The following CARMIL1 variants were observed in gnomAD, a reference collection of about 807,000 sequenced individuals.
The protein encoded by CARMIL1 is F-actin-uncapping protein LRRC16A.
CARMIL1 carries 90 observed loss-of-function variants against 177.1 expected under a neutral mutation model. The observed-to-expected ratio is 0.51, with a 90% confidence interval of 0.43 to 0.61. The LOEUF is 0.61. Ranked by LOEUF, CARMIL1 falls within the 20% of genes least tolerant of loss-of-function variation. The pLI is 0.00. For missense variants in CARMIL1, 1,380 were observed against 1,667.0 expected (o/e 0.83, Z 3.00); for synonymous variants, 577 against 606.2 (o/e 0.95, Z 0.71).
chr6:25,419,085 C>T (rs914430239), intron 2 of CARMIL1, among the ~76,000 whole-genome samples: 6 of 152,286 alleles, frequency 3.9e-5, no homozygotes, highest in East Asian at 1.9e-4. Context: ...TCAGCTTAGC[C>T]GTTCAAGCCC....
chr6:25,482,059 C>A (rs1802167827), intron 11 of CARMIL1, among the ~76,000 whole-genome samples, 198 bp from the exon 12 acceptor site: 1 of 152,202 alleles, frequency 6.6e-6, no homozygotes, highest in Non-Finnish European at 1.5e-5. Context: ...ATAAGACAAT[C>A]TTCCCCTTCT....
intron 11 of CARMIL1, among the ~76,000 whole-genome samples, chr6:25,474,363 C>T (rs1801344213): frequency 6.6e-6 from 1 of 152,242 alleles, no homozygotes; most frequent in East Asian, 1.9e-4. Flanking sequence ...GATCCACCCA[C>T]CTCGGCCTCC....
At chr6:25,406,630 A>G (rs140234789) in intron 2 of CARMIL1, among the ~76,000 whole-genome samples, 88 of 152,192 alleles carry the variant, frequency 5.8e-4, no homozygotes, top group African/African-American at 2.1e-3. Context: ...AGGGAGGTAG[A>G]CTGCATTGAA....
intron 31 of CARMIL1, among the ~76,000 whole-genome samples, chr6:25,591,690 G>T (rs535834163): frequency 6.8e-4 from 104 of 152,262 alleles, no homozygotes; most frequent in Non-Finnish European, 1.1e-3. Flanking sequence ...TGCTCTTCAC[G>T]TAGGCTGATG....
At chr6:25,545,540 A>G (rs986934549) in intron 26 of CARMIL1, among the ~76,000 whole-genome samples, 6 of 152,200 alleles carry the variant, frequency 3.9e-5, no homozygotes, top group African/African-American at 7.2e-5. Flanking sequence ...CAAGTAAAAC[A>G]ATGATGAAGA....
intron 16 of CARMIL1, among the ~76,000 whole-genome samples, chr6:25,498,754 G>A (rs1341352675): frequency 1.3e-5 from 2 of 152,178 alleles, no homozygotes; most frequent in African/African-American, 4.8e-5. Flanking sequence ...TCGCTGGGCT[G>A]GGATGTGAGA....
intron 32 of CARMIL1, among the ~76,000 whole-genome samples, chr6:25,599,275 C>T (rs779568227): frequency 9.2e-5 from 14 of 152,202 alleles, no homozygotes; most frequent in Non-Finnish European, 1.9e-4. Flanking sequence ...TGGGTCTCCC[C>T]GACTGTTGGC....
chr6:25,392,839 A>G (rs763051854), intron 2 of CARMIL1, among the ~76,000 whole-genome samples: 5 of 152,192 alleles, frequency 3.3e-5, no homozygotes, highest in African/African-American at 7.2e-5. Context: ...ATTAAAAGCA[A>G]TACCCCTCTT....
At chr6:25,479,680 TTTCC>T (rs1473263928) in intron 11 of CARMIL1, among the ~76,000 whole-genome samples, 1 of 152,156 alleles carries the variant, frequency 6.6e-6, no homozygotes, top group African/African-American at 2.4e-5. Flanking sequence ...TCTTATTTTT[TTTCC>T]TTCCTTCTGT....
chr6:25,574,487 A>T (rs191322463), intron 29 of CARMIL1, among the ~76,000 whole-genome samples: 2 of 152,338 alleles, frequency 1.3e-5, no homozygotes, highest in African/African-American at 4.8e-5. Flanking sequence ...GCATTTGTTG[A>T]ATCTTAATAC....
chr6:25,505,191 A>T (rs919380108), intron 17 of CARMIL1, among the ~76,000 whole-genome samples: 2 of 152,170 alleles, frequency 1.3e-5, no homozygotes, highest in Non-Finnish European at 2.9e-5. Flanking sequence ...TTCTTCTTGA[A>T]ACCTGATTTT....
intron 2 of CARMIL1, among the ~76,000 whole-genome samples, chr6:25,415,697 G>T (rs1026323006): frequency 6.6e-6 from 1 of 152,062 alleles, no homozygotes; most frequent in Non-Finnish European, 1.5e-5. Flanking sequence ...ATGTCAAAAG[G>T]TGTCTAATTA....
At chr6:25,429,214 C>T (rs904932560) in intron 4 of CARMIL1, among the ~76,000 whole-genome samples, 2 of 152,122 alleles carry the variant, frequency 1.3e-5, no homozygotes, top group Non-Finnish European at 2.9e-5. Context: ...TACTTCTTAC[C>T]ATGAAAACAG....
At chr6:25,508,732 T>G (rs1805168021) in intron 17 of CARMIL1, among the ~76,000 whole-genome samples, 1 of 152,050 alleles carries the variant, frequency 6.6e-6, no homozygotes, top group African/African-American at 2.4e-5. Flanking sequence ...CCATGTTCCT[T>G]GGTTTATAGT....
chr6:25,483,553 T>G (rs1235198071), intron 12 of CARMIL1, among the ~76,000 whole-genome samples: 1 of 151,972 alleles, frequency 6.6e-6, no homozygotes, highest in Non-Finnish European at 1.5e-5. Context: ...ATCATAATTA[T>G]CATCATCCTG....
chr6:25,601,273 A>G (rs1378147018), intron 33 of CARMIL1, among the ~76,000 whole-genome samples: 1 of 152,232 alleles, frequency 6.6e-6, no homozygotes, highest in East Asian at 1.9e-4. Flanking sequence ...TGAGGGTCAC[A>G]GTCTTGTGGA....
intron 9 of CARMIL1, among the ~76,000 whole-genome samples, chr6:25,466,509 G>A (rs1007600978): frequency 2.6e-5 from 4 of 152,230 alleles, no homozygotes; most frequent in Non-Finnish European, 4.4e-5. Flanking sequence ...AAGATGCTGT[G>A]TTGGGGTTGC....
chr6:25,413,023 A>G (rs966825073), intron 2 of CARMIL1, among the ~76,000 whole-genome samples: 3 of 152,206 alleles, frequency 2.0e-5, no homozygotes, highest in African/African-American at 4.8e-5. Flanking sequence ...TAGGAGGCTC[A>G]GAGCCAGGAG....
intron 29 of CARMIL1, among the ~76,000 whole-genome samples, chr6:25,580,676 A>G (rs1210865319): frequency 6.6e-6 from 1 of 152,192 alleles, no homozygotes; most frequent in Non-Finnish European, 1.5e-5. Flanking sequence ...AAATTCATTC[A>G]TTGCTCTTTT....
Sources: gnomAD v4.1 joint callset for allele counts (sites outside exome capture counted in the v4.1 genomes callset) on GRCh38, gnomAD v4.1.1 for gene constraint, MANE v1.5 for transcripts, NCBI Gene and HGNC (gene_info 2026-07-23, HGNC 2026-07-21) for gene names.